Variants in NOP2 observed in about 807,000 individuals in gnomAD.
The protein encoded by NOP2 is 28S rRNA (cytosine(4447)-C(5))-methyltransferase.
NOP2 carries 7 observed loss-of-function variants against 72.7 expected under a neutral mutation model. The ratio of observed to expected loss-of-function variants is 0.10; its 90% confidence interval spans 0.05 to 0.18. NOP2 has a LOEUF of 0.18. Among genes scored for constraint, NOP2 ranks in the 10% least tolerant of loss-of-function variants. The probability of loss-of-function intolerance (pLI) is 1.00; values close to 1 mark genes in which losing one functional copy is unlikely to be tolerated. For synonymous variants in NOP2, 387 were observed against 388.0 expected (o/e 1.00, Z 0.03); for missense variants, 954 against 1,014.7 (o/e 0.94, Z 0.81).
rs753412289 is a variant in NOP2 at position 6,560,334 on chromosome 12, T to TG, written c.1561-9dup. 14 of 1,611,488 alleles carry TG rather than the reference T, an allele frequency of 8.7e-6. No individual in the cohort carries two copies. The Admixed American group carries it at 1.5e-4, about 17-fold the overall frequency. ...CCACTCATTCTCTTCTACCTGGATG[T>TG]GGGGGGAAGACAAAGAACGGAGGAA... On this transcript the variant is annotated splice_polypyrimidine_tract_variant and intron_variant, in intron 14 of 15. Coordinates refer to ENST00000322166, the MANE Select transcript of NOP2 (RefSeq NM_001258308.2). The surrounding 1 kb of genome is among the most constrained non-coding windows in gnomAD (Gnocchi z 5.0).
chr12:6,566,434 C>A, intron 4 of NOP2, 95 bp downstream of exon 4: 2 of 1,505,884 alleles, frequency 1.3e-6, no homozygotes, highest in Admixed American at 1.7e-5. Context: ...TGTCCTTTGG[C>A]TGTTCCTTTC....
In NOP2 at chr12:6,563,136, C is replaced by T. The variant is rs762870503; in HGVS notation, c.923G>A (p.Arg308Gln). 1.9e-6 allele frequency: 3 copies of T among 1,597,304 alleles called. No homozygotes were observed. The highest frequency in any genetic ancestry group is 2.6e-6 in the Non-Finnish European group (3 of 1,172,178). ...VEFLEANEVPRPVTLRTNTLK... is the reference protein window; with the variant it reads ...VEFLEANEVPQPVTLRTNTLK... ...GGTATTGGTCCGGAGGGTGACGGGC[C>T]GAGGCACCTCATTAGCTTCTAAGAA... is the stretch of plus-strand genomic sequence containing the variant. The change falls in exon 9 of 16, where the codon CGG becomes CAG. Residue 308 changes from arginine to glutamine, a missense_variant. Coordinates refer to ENST00000322166, the MANE Select transcript of NOP2 (RefSeq NM_001258308.2).
In NOP2 at chr12:6,561,963, G is replaced by T; in HGVS notation, c.987C>A (p.Ile329=). The change falls in exon 10 of 16, where the codon ATC becomes ATA. Residue 329 remains isoleucine (I), a synonymous_variant. Transcript: ENST00000322166. Reference sequence around the variant, plus strand: ...GGGGATCCAGGTTAACCCCACGATTGATTAGAGCCTGAAAAGGGATGAAGA... The same window carrying T: ...GGGGATCCAGGTTAACCCCACGATTTATTAGAGCCTGAAAAGGGATGAAGA... The part of the protein sequence containing the change: ...TRRRDLAQAL[I]NRGVNLDPLG... 6.3e-7 allele frequency: 1 copy of T among 1,594,118 alleles called. No homozygotes were observed. Among genetic ancestry groups the T allele is most frequent in the South Asian group, 1.1e-5 (1 of 89,768 alleles).
chr12:6,560,578 A>G lies in NOP2; in HGVS notation c.1438-9T>C. 1.3e-6 allele frequency: 2 copies of G among 1,597,730 alleles called. No homozygotes were observed. The highest frequency in any genetic ancestry group is 1.7e-6 in the Non-Finnish European group (2 of 1,169,922). On this transcript the variant is annotated splice_polypyrimidine_tract_variant and intron_variant, in intron 13 of 15. Transcript: ENST00000322166. This position sits in a 1 kb window ranked among gnomAD's most constrained non-coding sequence, Gnocchi z 5.0. ...AGGATGTCCTTCTCATCCTGTCCCA[A>G]AAAGAGACCCAAAGGCAGCCTCAGG...
chr12:6,561,890 G>A lies in NOP2; in HGVS notation c.1060C>T (p.Pro354Ser), dbSNP rs772418034. ...TGLVVYDSSV[P>S]IGATPEYLAG... ...TTGGGTGGGGGAGACTTACCAATGGGCACAGAAGAATCATACACCACTAGT... is the reference window on the plus strand; with the variant it reads ...TTGGGTGGGGGAGACTTACCAATGGACACAGAAGAATCATACACCACTAGT... The change falls in exon 10 of 16, where the codon CCC (proline) becomes TCC (serine). Residue 354 changes from proline (P) to serine (S), a missense_variant. Pro to Ser is a moderately conservative substitution (Grantham distance 74). Coordinates refer to ENST00000322166, the MANE Select transcript of NOP2 (RefSeq NM_001258308.2). 1.2e-6 allele frequency: 2 copies of A among 1,610,902 alleles called. No individual in the cohort carries two copies. Among genetic ancestry groups the A allele is most frequent in the South Asian group, 2.2e-5 (2 of 90,296 alleles).
rs1434818940 is a variant in NOP2, at chr12:6,563,134, G to A, written c.925C>T (p.Pro309Ser). The A allele has an allele frequency of 6.3e-7, 1 of 1,597,810 alleles. No individual in the cohort carries two copies. The highest frequency in any genetic ancestry group is 8.5e-7 in the Non-Finnish European group (1 of 1,172,416). ...AAGGTATTGGTCCGGAGGGTGACGG[G>A]CCGAGGCACCTCATTAGCTTCTAAG... is the stretch of plus-strand genomic sequence containing the variant. ...EFLEANEVPR[P>S]VTLRTNTLKT... The change falls in exon 9 of 16, where the codon CCC becomes TCC. Residue 309 changes from proline to serine, a missense_variant. By Grantham distance (74) the Pro-to-Ser change is moderately conservative. Transcript: ENST00000322166.
chr12:6,556,912 A>G lies in NOP2; in HGVS notation c.*81T>C. The G allele has an allele frequency of 2.0e-6, 3 of 1,501,358 alleles. No individual in the cohort carries two copies. The highest frequency in any genetic ancestry group is 2.7e-6 in the Non-Finnish European group (3 of 1,096,492). The allele number at this position is 1,501,358 out of a possible 1,614,324, so 93.0% of individuals were successfully genotyped here. ...TGTATTAAATTTCATGGGTATGCAC[A>G]GTAGAGAAGGCATCCTCACAGAGGC... On this transcript the variant is annotated 3_prime_UTR_variant, in exon 16 of 16. Coordinates refer to ENST00000322166, the MANE Select transcript of NOP2 (RefSeq NM_001258308.2).
At chr12:6,565,624 G>A (rs2136178381) in intron 5 of NOP2, among the ~76,000 whole-genome samples, 2 of 152,222 alleles carry the variant, frequency 1.3e-5, no homozygotes, top group Non-Finnish European at 2.9e-5. Context: ...ATAGGCATGA[G>A]CCACTGTGCC....
At chr12:6,565,580 T>G (rs771036504) in intron 5 of NOP2, among the ~76,000 whole-genome samples, 1 of 152,152 alleles carries the variant, frequency 6.6e-6, no homozygotes, top group Non-Finnish European at 1.5e-5. Flanking sequence ...GCTCAGGTGA[T>G]CCGCCCACCT....
chr12:6,565,994 T>C, intron 5 of NOP2, 107 bp downstream of exon 5: 1 of 896,780 alleles, frequency 1.1e-6, no homozygotes, highest in Non-Finnish European at 1.7e-6. Context: ...AAAACCCCTT[T>C]CCTCTAGTCA....
At chr12:6,566,430 T>C in intron 4 of NOP2, 94 bp from the exon 5 acceptor site, 1 of 1,505,272 alleles carries the variant, frequency 6.6e-7, no homozygotes, top group African/African-American at 1.4e-5. Context: ...AGAATGTCCT[T>C]TGGCTGTTCC....
Position 6,556,909 on chromosome 12 carries a change from C to T in NOP2, c.*84G>A. The T allele has an allele frequency of 6.8e-7, 1 of 1,479,544 alleles. No individual in the cohort carries two copies. Among genetic ancestry groups the T allele is most frequent in the Non-Finnish European group, 9.3e-7 (1 of 1,078,964 alleles). 91.7% of individuals were successfully genotyped at this position (1,479,544 alleles called of 1,614,324 possible). A position where few individuals can be genotyped will look rare whatever the true frequency, so the allele number is the denominator to read the frequency against. On this transcript the variant is annotated 3_prime_UTR_variant, in exon 16 of 16. Transcript: ENST00000322166. ...ATGTGTATTAAATTTCATGGGTATGCACAGTAGAGAAGGCATCCTCACAGA... is the reference window on the plus strand; with the variant it reads ...ATGTGTATTAAATTTCATGGGTATGTACAGTAGAGAAGGCATCCTCACAGA...
At chr12:6,562,035 C>T in intron 9 of NOP2, 64 bp from the exon 10 acceptor site, 1 of 1,251,254 alleles carries the variant, frequency 8.0e-7, no homozygotes, top group Non-Finnish European at 1.1e-6. Flanking sequence ...GTTGCCCAGG[C>T]TAGAGTGAGG....
chr12:6,568,159 C>G (rs977561489), intron 1 of NOP2, 48 bp downstream of exon 1: 10 of 554,548 alleles, frequency 1.8e-5, no homozygotes, highest in Non-Finnish European at 3.2e-5. Flanking sequence ...ACGTCCCAGA[C>G]CAGGTCAGTG....
chr12:6,562,946 C>T, intron 9 of NOP2, 135 bp downstream of exon 9: 1 of 818,178 alleles, frequency 1.2e-6, no homozygotes, highest in Non-Finnish European at 2.0e-6. Flanking sequence ...AGACATCAGG[C>T]CTCTGGGTTT....
rs1318064496 is a variant in NOP2, at chr12:6,566,553, G to A, written c.214C>T (p.Pro72Ser). Reference sequence around the variant, plus strand: ...CCTTTTGGTAGCTTTCCAGGCAATGGTTTGGCCTCAGGAGACTTATTTGTC... The same window carrying A: ...CCTTTTGGTAGCTTTCCAGGCAATGATTTGGCCTCAGGAGACTTATTTGTC... ...PKTNKSPEAK[P>S]LPGKLPKGIS... The change falls in exon 4 of 16, where the codon CCA becomes TCA. Residue 72 changes from proline to serine, a missense_variant. Pro to Ser is a moderately conservative substitution (Grantham distance 74, BLOSUM62 -1). Around this residue, in one of 3 missense-constraint regions of NOP2, gnomAD observed 498 missense variants for 478.3 expected, o/e 1.04. Coordinates refer to ENST00000322166, the MANE Select transcript of NOP2 (RefSeq NM_001258308.2). The A allele has an allele frequency of 1.2e-6, 2 of 1,613,846 alleles. No homozygotes were observed. The highest frequency in any genetic ancestry group is 1.3e-5 in the African/African-American group (1 of 74,904).
rs922388251 is a variant in NOP2, at chr12:6,557,480, T to C, written c.1952A>G (p.Asn651Ser). ...TGAGTCTGCCCCTTTGGAGATGCCATTCAGCTTCTGGAAGGAGGCCTTCTT... is the reference window on the plus strand; with the variant it reads ...TGAGTCTGCCCCTTTGGAGATGCCACTCAGCTTCTGGAAGGAGGCCTTCTT... ...HPKKASFQKL[N>S]GISKGADSEL... Residue 651 changes from asparagine to serine, a missense_variant, in exon 16 of 16, where the codon AAT becomes AGT. Asn to Ser is a conservative substitution (Grantham distance 46). This residue lies in a region of NOP2 where 269 missense variants were observed against 260.2 expected (regional missense o/e 1.03). Transcript: ENST00000322166. 4 of 1,613,878 alleles carry C rather than the reference T, an allele frequency of 2.5e-6. No homozygotes were observed. The African/African-American group carries it at 4.0e-5, about 16-fold the overall frequency.
At chr12:6,562,701 G>A (rs1947681209) in intron 9 of NOP2, among the ~76,000 whole-genome samples, 1 of 152,138 alleles carries the variant, frequency 6.6e-6, no homozygotes, top group Non-Finnish European at 1.5e-5. Context: ...TTTACAACAG[G>A]GGTCTTTAAC....
Position 6,557,456 on chromosome 12 carries a change from G to C in NOP2, c.1976C>G (p.Ser659Ter). The change falls in exon 16 of 16, where the codon TCA (serine) becomes TGA (stop). Residue 659 changes from serine (S) to a stop codon, truncating the protein, a stop_gained. Coordinates refer to ENST00000322166, the MANE Select transcript of NOP2 (RefSeq NM_001258308.2). LOFTEE classifies it low-confidence loss of function (END_TRUNC). ...GACAGAAGGTACAGTGGACAATTCT[G>C]AGTCTGCCCCTTTGGAGATGCCATT... ...KLNGISKGAD[S>*]ELSTVPSVTK... 6.2e-7 allele frequency: 1 copy of C among 1,614,026 alleles called. No individual in the cohort carries two copies. The highest frequency in any genetic ancestry group is 8.5e-7 in the Non-Finnish European group (1 of 1,179,900).
Sources: gnomAD v4.1 joint callset for allele counts (sites outside exome capture counted in the v4.1 genomes callset) on GRCh38, gnomAD v4.1.1 for gene constraint, gnomAD v4.1.1 regional missense constraint, Gnocchi (gnomAD v3.1) non-coding constraint, MANE v1.5 for transcripts, NCBI Gene and HGNC (gene_info 2026-07-23, HGNC 2026-07-21) for gene names.